FNDC3B: variants seen among roughly 807,000 people sequenced by gnomAD.
FNDC3B encodes the protein fibronectin type III domain containing 3B.
FNDC3B carries 12 observed loss-of-function variants against 151.5 expected under a neutral mutation model. The observed-to-expected ratio is 0.08, with a 90% confidence interval of 0.05 to 0.13. The LOEUF is 0.13. Ranked by LOEUF, FNDC3B falls within the 10% of genes least tolerant of loss-of-function variation. FNDC3B has a pLI of 1.00. For synonymous variants in FNDC3B, 528 were observed against 549.0 expected (o/e 0.96, Z 0.54); for missense variants, 1,214 against 1,505.3 (o/e 0.81, Z 3.20).
chr3:172,377,750 C>G (rs1204810782), intron 23 of FNDC3B, among the ~76,000 whole-genome samples: 1 of 152,022 alleles, frequency 6.6e-6, no homozygotes, highest in Non-Finnish European at 1.5e-5. Flanking sequence ...CTAAATATCT[C>G]CTTAGCAGTT....
rs142891028 is a variant in FNDC3B, at chr3:172,111,260, A to T, written c.-28-1192A>T. On this transcript the variant is annotated intron_variant, in intron 1 of 25. Transcript: ENST00000415807. ...CATTTGACCTGTTCATAGTTCAAAC[A>T]ATTAAGTCATGATAGTGTCAACAGG... 4.8e-3 allele frequency among the ~76,000 whole-genome samples: 727 copies of T among 152,302 alleles called. 4 individuals carry two copies. The highest frequency in any genetic ancestry group is 8.1e-3 in the Non-Finnish European group (550 of 68,020).
chr3:172,394,794 T>A lies in FNDC3B; in HGVS notation c.3304-2370T>A, dbSNP rs73037049. On this transcript the variant is annotated intron_variant, in intron 25 of 25. Coordinates refer to ENST00000415807, the MANE Select transcript of FNDC3B (RefSeq NM_022763.4). Reference sequence around the variant, plus strand: ...AGGCCATTACAAATAATAATAATAATAAATTACAGGCCAATATCCTTTATG... The same window carrying A: ...AGGCCATTACAAATAATAATAATAAAAAATTACAGGCCAATATCCTTTATG... Among the ~76,000 whole-genome samples, 754 of 152,168 alleles carry A rather than the reference T, an allele frequency of 5.0e-3. 4 individuals are homozygous for A. The highest frequency in any genetic ancestry group is 0.017 in the African/African-American group (709 of 41,496).
At chr3:172,264,607 A>G (rs541666206) in intron 6 of FNDC3B, among the ~76,000 whole-genome samples, 2 of 152,266 alleles carry the variant, frequency 1.3e-5, no homozygotes, top group African/African-American at 4.8e-5. Flanking sequence ...TAATACTATA[A>G]ATGGACTTTT....
At chr3:172,078,120 A>G (rs2108495288) in intron 1 of FNDC3B, among the ~76,000 whole-genome samples, 1 of 152,266 alleles carries the variant, frequency 6.6e-6, no homozygotes, top group South Asian at 2.1e-4. Context: ...AGCTGGGATT[A>G]CAGGCCGCCG....
chr3:172,190,239 A>G (rs1576781136), intron 3 of FNDC3B, among the ~76,000 whole-genome samples: 2 of 152,292 alleles, frequency 1.3e-5, no homozygotes, highest in East Asian at 3.9e-4. Flanking sequence ...AAGGGGGATG[A>G]GCATGATGCT....
intron 3 of FNDC3B, among the ~76,000 whole-genome samples, chr3:172,209,062 T>G (rs1239317626): frequency 6.6e-6 from 1 of 151,346 alleles, no homozygotes; most frequent in African/African-American, 2.4e-5. Context: ...GAGCCCTGAG[T>G]TCTGGGCTCT....
At chr3:172,310,700 C>A in intron 10 of FNDC3B, 128 bp from the exon 11 acceptor site, 1 of 742,750 alleles carries the variant, frequency 1.3e-6, no homozygotes. Flanking sequence ...AACGCAGGAA[C>A]CATCAGCTTT....
intron 7 of FNDC3B, among the ~76,000 whole-genome samples, chr3:172,294,819 A>G (rs945671279): frequency 6.6e-6 from 1 of 152,198 alleles, no homozygotes; most frequent in Non-Finnish European, 1.5e-5. Flanking sequence ...AGGCTAAACC[A>G]AAAGTATGAA....
At chr3:172,229,120 C>G (rs1726750459) in intron 4 of FNDC3B, among the ~76,000 whole-genome samples, 1 of 151,232 alleles carries the variant, frequency 6.6e-6, no homozygotes, top group Non-Finnish European at 1.5e-5. Context: ...CACACACACA[C>G]ACACACACAC....
intron 2 of FNDC3B, among the ~76,000 whole-genome samples, chr3:172,128,764 C>T (rs1436278693): frequency 6.6e-6 from 1 of 152,170 alleles, no homozygotes; most frequent in Non-Finnish European, 1.5e-5. Flanking sequence ...GTTGGATAAT[C>T]ATAAATGTGG....
chr3:172,374,918 A>G (rs1056893452), intron 23 of FNDC3B, among the ~76,000 whole-genome samples: 7 of 152,102 alleles, frequency 4.6e-5, no homozygotes, highest in African/African-American at 1.4e-4. Flanking sequence ...ACTAGAATCT[A>G]TTTTCTTATG....
chr3:172,215,485 A>C (rs1413007243), intron 3 of FNDC3B, among the ~76,000 whole-genome samples: 1 of 152,230 alleles, frequency 6.6e-6, no homozygotes, highest in East Asian at 1.9e-4. Context: ...GCACTTTGGA[A>C]GGCCGAGGTG....
rs143554987 is a variant in FNDC3B, at chr3:172,068,202, A to G, written c.-29+28431A>G. Among the ~76,000 whole-genome samples the G allele has an allele frequency of 9.3e-3, 1,409 of 152,276 alleles. 27 individuals are homozygous for G. The highest frequency in any genetic ancestry group is 0.033 in the African/African-American group (1,356 of 41,548). ...GGACTCCCATTCTGGGCTCCTGCAG[A>G]GGGCTTGTAAGTTCACCTTTATATC... On this transcript the variant is annotated intron_variant, in intron 1 of 25. Transcript: ENST00000415807.
At chr3:172,141,148 C>T (rs897289493) in intron 3 of FNDC3B, among the ~76,000 whole-genome samples, 3 of 104,150 alleles carry the variant, frequency 2.9e-5, no homozygotes, top group Non-Finnish European at 6.7e-5. Context: ...TGATTTTTCC[C>T]CCCCCTAAAT....
chr3:172,275,306 G>T (rs1286404740), intron 6 of FNDC3B, among the ~76,000 whole-genome samples: 1 of 152,084 alleles, frequency 6.6e-6, no homozygotes, highest in African/African-American at 2.4e-5. Flanking sequence ...TTCTGAGGGG[G>T]GGAAATATAC....
intron 3 of FNDC3B, among the ~76,000 whole-genome samples, chr3:172,171,802 A>AT (rs1723298837): frequency 6.6e-6 from 1 of 151,964 alleles, no homozygotes; most frequent in African/African-American, 2.4e-5. Context: ...AAAAAAAAAA[A>AT]AATCCAATAG....
At position 172,072,049 on chromosome 3, in the gene FNDC3B, C is replaced by T. The variant is rs192086444; in HGVS notation, c.-29+32278C>T. Among the ~76,000 whole-genome samples, 4 of 150,874 alleles carry T rather than the reference C, an allele frequency of 2.7e-5. No homozygotes were observed. In the East Asian group the frequency reaches 5.8e-4, roughly 22 times the overall value. ...GGTTAAATACTAGTAGTTCATATGT[C>T]GGAAACTCATCCTTCATTTTCTTCA... On this transcript the variant is annotated intron_variant, in intron 1 of 25. Transcript: ENST00000415807.
intron 11 of FNDC3B, among the ~76,000 whole-genome samples, chr3:172,315,404 G>A (rs1731729334): frequency 6.6e-6 from 1 of 152,186 alleles, no homozygotes; most frequent in Non-Finnish European, 1.5e-5. Flanking sequence ...ATTTACAGGT[G>A]TCATTGGCTT....
chr3:172,064,827 G>A (rs981125616), intron 1 of FNDC3B, among the ~76,000 whole-genome samples: 4 of 152,186 alleles, frequency 2.6e-5, no homozygotes, highest in Admixed American at 2.6e-4. Flanking sequence ...CGTCATCACT[G>A]CAGTACCTGG....
Sources: allele counts gnomAD v4.1 joint callset (sites outside exome capture counted in the v4.1 genomes callset), GRCh38; gene constraint gnomAD v4.1.1; transcripts MANE v1.5; gene names NCBI Gene and HGNC (gene_info 2026-07-23, HGNC 2026-07-21).